SHISA9: variants seen among roughly 807,000 people sequenced by gnomAD.
SHISA9 encodes the protein shisa family member 9, also known as protein shisa-9.
A neutral mutation model predicts 38.0 loss-of-function variants in SHISA9; 13 were observed. The observed-to-expected ratio is 0.34, with a 90% CI of 0.22 to 0.54. The LOEUF (loss-of-function observed/expected upper bound fraction) is 0.54. SHISA9 is among the 20% of genes least tolerant of loss of function. SHISA9 has a pLI of 0.91. For synonymous variants in SHISA9, 275 were observed against 242.0 expected, an observed-to-expected ratio of 1.14 and a Z score of -1.27; for missense variants, 538 against 575.8, an observed-to-expected ratio of 0.93 and a Z score of 0.67.
At chr16:13,499,706 A>G in the SHISA9 span, among the ~76,000 whole-genome samples, 1 of 152,206 alleles carries the variant, frequency 6.6e-6, no homozygotes, top group Non-Finnish European at 1.5e-5. Context: ...CACATCAGGA[A>G]GAATAAACTC....
At chr16:13,325,868 G>A in the SHISA9 span, among the ~76,000 whole-genome samples, 1 of 151,098 alleles carries the variant, frequency 6.6e-6, no homozygotes, top group Non-Finnish European at 1.5e-5. Flanking sequence ...ATGGACACAG[G>A]GAGGGGAACA....
the SHISA9 span, among the ~76,000 whole-genome samples, chr16:13,383,253 C>T: frequency 2.6e-4 from 39 of 152,070 alleles, no homozygotes; most frequent in Admixed American, 9.8e-4. Flanking sequence ...ATCTGGAGGA[C>T]GTGGGAATGG....
chr16:13,225,860 A>C (rs1194017467), intron 4 of SHISA9, among the ~76,000 whole-genome samples: 1 of 152,184 alleles, frequency 6.6e-6, no homozygotes, highest in Non-Finnish European at 1.5e-5. Flanking sequence ...TTACAGCCCC[A>C]GTTTCTTCAA....
chr16:13,213,542 T>C (rs913693522), intron 4 of SHISA9, among the ~76,000 whole-genome samples: 9 of 152,096 alleles, frequency 5.9e-5, no homozygotes, highest in Non-Finnish European at 7.3e-5. Flanking sequence ...TGCTGCCTGA[T>C]GGAAAATATC....
chr16:13,505,250 C>G, the SHISA9 span, among the ~76,000 whole-genome samples: 1 of 152,208 alleles, frequency 6.6e-6, no homozygotes, highest in Non-Finnish European at 1.5e-5. Flanking sequence ...TCAAGTGGGC[C>G]TGGCATAAGA....
intron 2 of SHISA9, among the ~76,000 whole-genome samples, chr16:12,978,586 C>T (rs943899885): frequency 1.3e-5 from 2 of 152,118 alleles, no homozygotes; most frequent in African/African-American, 4.8e-5. Context: ...TATTTGCTTC[C>T]AAAGTAATCT....
intron 2 of SHISA9, among the ~76,000 whole-genome samples, chr16:12,931,163 G>A (rs1388335592): frequency 6.6e-6 from 1 of 152,218 alleles, no homozygotes; most frequent in Non-Finnish European, 1.5e-5. Flanking sequence ...AGGAAAGTGG[G>A]ATGTATTATG....
intron 2 of SHISA9, among the ~76,000 whole-genome samples, chr16:13,100,293 G>A (rs2073866274): frequency 6.6e-6 from 1 of 152,202 alleles, no homozygotes; most frequent in Non-Finnish European, 1.5e-5. Context: ...ACAAGGATTT[G>A]GGCTTTGTTT....
chr16:12,970,392 T>TAC, intron 2 of SHISA9, among the ~76,000 whole-genome samples: 2 of 9,650 alleles, frequency 2.1e-4, no homozygotes, highest in South Asian at 8.3e-3. Flanking sequence ...CATATATGTA[T>TAC]ATATATATAT....
chr16:13,218,139 TAA>T (rs2051189168), intron 4 of SHISA9, among the ~76,000 whole-genome samples: 1 of 152,154 alleles, frequency 6.6e-6, no homozygotes, highest in South Asian at 2.1e-4. Context: ...TGGGGTTTCC[TAA>T]AACCGCAAAA....
At chr16:13,461,561 A>G in the SHISA9 span, among the ~76,000 whole-genome samples, 1 of 151,242 alleles carries the variant, frequency 6.6e-6, no homozygotes, top group East Asian at 1.9e-4. Flanking sequence ...CCTGGGCAAC[A>G]AGAGCAAAAC....
At chr16:12,989,120 C>T (rs903746499) in intron 2 of SHISA9, among the ~76,000 whole-genome samples, 7 of 152,136 alleles carry the variant, frequency 4.6e-5, no homozygotes, top group Non-Finnish European at 1.0e-4. Context: ...GCTTATAGAA[C>T]CAGTAGATGC....
At chr16:13,317,120 T>A in the SHISA9 span, among the ~76,000 whole-genome samples, 40 of 152,220 alleles carry the variant, frequency 2.6e-4, no homozygotes, top group African/African-American at 9.4e-4. Context: ...TTTTCAAAAC[T>A]CTCTGGTTGG....
intron 2 of SHISA9, among the ~76,000 whole-genome samples, chr16:13,160,341 G>T (rs142279907): frequency 0.012 from 1,896 of 152,292 alleles, 24 homozygotes; most frequent in South Asian, 0.023. Context: ...CTATAAGTCA[G>T]ACCTGTGCCT....
At chr16:13,525,981 C>T in the SHISA9 span, among the ~76,000 whole-genome samples, 3 of 152,246 alleles carry the variant, frequency 2.0e-5, no homozygotes, top group African/African-American at 7.2e-5. Flanking sequence ...GTGCAGCAAG[C>T]ATATGTTTTC....
chr16:12,902,099 T>C lies in SHISA9; in HGVS notation c.35T>C (p.Phe12Ser). The C allele has an allele frequency of 1.3e-6, 2 of 1,496,614 alleles. No homozygotes were observed. The allele number at this position is 1,496,614 out of a possible 1,614,324, so 92.7% of individuals were successfully genotyped here. A position where few individuals can be genotyped will look rare whatever the true frequency, so the allele number is the denominator to read the frequency against. Residue 12 changes from phenylalanine (F) to serine (S), a missense_variant, in exon 1 of 5, where the codon TTC (phenylalanine) becomes TCC (serine). This residue lies in a region of SHISA9 where 107 missense variants were observed against 103.0 expected (regional missense o/e 1.04). Transcript: ENST00000558583. ...GTCCTTCGGCTGCTCCTCGGTTGCTTCCTCACCGAGCTGTGCGCCCGCGTG... is the reference window on the plus strand; with the variant it reads ...GTCCTTCGGCTGCTCCTCGGTTGCTCCCTCACCGAGCTGTGCGCCCGCGTG... ...RRVLRLLLGCFLTELCARVCR... is the reference protein window; with the variant it reads ...RRVLRLLLGCSLTELCARVCR...
intron 4 of SHISA9, among the ~76,000 whole-genome samples, chr16:13,223,793 G>A (rs1201631883): frequency 6.6e-6 from 1 of 152,176 alleles, no homozygotes. Flanking sequence ...GGCAAGAGAG[G>A]GCATGTGCAG....
the SHISA9 span, among the ~76,000 whole-genome samples, chr16:13,533,248 T>A: frequency 1.3e-5 from 2 of 152,144 alleles, no homozygotes; most frequent in East Asian, 3.8e-4. Context: ...GGGGACACCT[T>A]TAACGCTCTT....
At chr16:13,266,592 C>T in the SHISA9 span, among the ~76,000 whole-genome samples, 1 of 152,120 alleles carries the variant, frequency 6.6e-6, no homozygotes, top group Non-Finnish European at 1.5e-5. Context: ...CAGGGAGGCT[C>T]AGGCCCCCCA....
Sources: allele counts gnomAD v4.1 joint callset (sites outside exome capture counted in the v4.1 genomes callset), GRCh38; gene constraint gnomAD v4.1.1; regional missense constraint gnomAD v4.1.1; transcripts MANE v1.5; gene names NCBI Gene and HGNC (gene_info 2026-07-23, HGNC 2026-07-21).